SSBP2: variants seen among roughly 807,000 people sequenced by gnomAD.
The protein encoded by SSBP2 is single stranded DNA binding protein 2.
Under a neutral mutation model 61.8 loss-of-function variants are expected in SSBP2, and 17 were observed. That is an observed-to-expected ratio of 0.28 (90% CI 0.19 to 0.41). SSBP2 has a LOEUF of 0.41. Ranked by LOEUF, SSBP2 falls within the 10% of genes least tolerant of loss-of-function variation. The pLI is 1.00. For synonymous variants in SSBP2, 139 were observed against 141.3 expected (o/e 0.98, Z 0.12); for missense variants, 310 against 458.7 (o/e 0.68, Z 2.96).
chr5:81,750,825 C>G, intron 1 of SSBP2, 156 bp downstream of exon 1: 1 of 844,016 alleles, frequency 1.2e-6, no homozygotes, highest in Non-Finnish European at 1.9e-6. Context: ...CGCAGCTCCC[C>G]GCACCACACG....
At chr5:81,479,806 A>G (rs1266220155) in intron 6 of SSBP2, among the ~76,000 whole-genome samples, 2 of 152,194 alleles carry the variant, frequency 1.3e-5, no homozygotes. Flanking sequence ...TAAAAAACTG[A>G]GGTTTAATAT....
At chr5:81,500,002 C>T (rs1767576859) in intron 5 of SSBP2, among the ~76,000 whole-genome samples, 1 of 152,124 alleles carries the variant, frequency 6.6e-6, no homozygotes, top group Non-Finnish European at 1.5e-5. Context: ...AATTCCCATG[C>T]AGAGATAACA....
At chr5:81,685,357 T>A (rs1019543091) in intron 1 of SSBP2, among the ~76,000 whole-genome samples, 1 of 152,120 alleles carries the variant, frequency 6.6e-6, no homozygotes, top group Non-Finnish European at 1.5e-5. Context: ...GAACCCTAAT[T>A]TGAACTATAT....
chr5:81,729,370 A>G (rs1033336115), intron 1 of SSBP2, among the ~76,000 whole-genome samples: 2 of 152,230 alleles, frequency 1.3e-5, no homozygotes, highest in Non-Finnish European at 2.9e-5. Flanking sequence ...AACAATGTGA[A>G]ACAGTAAATC....
chr5:81,608,488 G>C, intron 4 of SSBP2, among the ~76,000 whole-genome samples: 1 of 152,106 alleles, frequency 6.6e-6, no homozygotes, highest in East Asian at 1.9e-4. Context: ...GACTATGGCA[G>C]ATGAAGCAAA....
At chr5:81,641,269 T>C (rs1254631067) in intron 2 of SSBP2, among the ~76,000 whole-genome samples, 1 of 152,192 alleles carries the variant, frequency 6.6e-6, no homozygotes, top group Non-Finnish European at 1.5e-5. Flanking sequence ...GGTTTGTATT[T>C]GATATGGTCT....
chr5:81,593,600 G>T (rs1308603638), intron 4 of SSBP2, among the ~76,000 whole-genome samples: 1 of 152,154 alleles, frequency 6.6e-6, no homozygotes, highest in Non-Finnish European at 1.5e-5. Context: ...AGAAAGGTTG[G>T]GTTACCCACA....
At chr5:81,453,309 C>A (rs148732580) in intron 10 of SSBP2, among the ~76,000 whole-genome samples, 11 of 151,586 alleles carry the variant, frequency 7.3e-5, no homozygotes, top group South Asian at 2.1e-4. Flanking sequence ...CCTGTCCCCC[C>A]ACCCCACCAA....
intron 4 of SSBP2, among the ~76,000 whole-genome samples, chr5:81,576,756 C>T (rs1774245519): frequency 6.6e-6 from 1 of 152,022 alleles, no homozygotes; most frequent in African/African-American, 2.4e-5. Context: ...ATATCCTTAA[C>T]TCTAGATAAA....
At position 81,686,742 on chromosome 5, in the gene SSBP2, C is replaced by T. The variant is rs573924312; in HGVS notation, c.63-36403G>A. 2.0e-5 allele frequency among the ~76,000 whole-genome samples: 3 copies of T among 151,334 alleles called. No individual in the cohort carries two copies. The South Asian group carries it at 6.3e-4, about 32-fold the overall frequency. On this transcript the variant is annotated intron_variant, in intron 1 of 16. Transcript: ENST00000320672. ...TGGTGGCATGTGCCTATAGTCCTAG[C>T]TACTCAGGAGGCTGAGACAGGAGAA...
At chr5:81,563,141 A>G (rs1036321683) in intron 4 of SSBP2, among the ~76,000 whole-genome samples, 2 of 152,224 alleles carry the variant, frequency 1.3e-5, no homozygotes, top group Admixed American at 1.3e-4. Flanking sequence ...TATAAAGCAC[A>G]GCAATCAATA....
At chr5:81,676,399 T>C (rs1431576304) in intron 1 of SSBP2, among the ~76,000 whole-genome samples, 1 of 152,154 alleles carries the variant, frequency 6.6e-6, no homozygotes, top group Admixed American at 6.6e-5. Flanking sequence ...CCTTCATATC[T>C]ACAGGAGAGG....
At chr5:81,499,829 A>G (rs78653219) in intron 5 of SSBP2, among the ~76,000 whole-genome samples, 33,470 of 152,214 alleles carry the variant, frequency 0.22, 4,733 homozygotes, top group Middle Eastern at 0.33. Flanking sequence ...TCTCTACTTT[A>G]TATTCCTACT....
intron 1 of SSBP2, among the ~76,000 whole-genome samples, chr5:81,725,162 G>C (rs572356406): frequency 1.3e-5 from 2 of 152,238 alleles, no homozygotes; most frequent in East Asian, 3.9e-4. Context: ...GAAGAGATCT[G>C]AATGGAGTGA....
intron 10 of SSBP2, among the ~76,000 whole-genome samples, chr5:81,451,607 A>AGTAGAG (rs1358305644): frequency 6.6e-6 from 1 of 152,018 alleles, no homozygotes; most frequent in Non-Finnish European, 1.5e-5. Context: ...TTGTATTTTC[A>AGTAGAG]GTAGAGATGG....
intron 1 of SSBP2, among the ~76,000 whole-genome samples, chr5:81,664,636 A>G (rs147065368): frequency 1.3e-5 from 2 of 152,314 alleles, no homozygotes; most frequent in Non-Finnish European, 2.9e-5. Flanking sequence ...CAGCCTCTCA[A>G]TTAAATACCA....
chr5:81,471,729 C>T (rs1765256894), intron 8 of SSBP2, among the ~76,000 whole-genome samples: 1 of 151,822 alleles, frequency 6.6e-6, no homozygotes, highest in Admixed American at 6.6e-5. Flanking sequence ...ATAACTGAGC[C>T]TAAATAAAAG....
chr5:81,750,041 C>A (rs970289128), intron 1 of SSBP2, among the ~76,000 whole-genome samples: 1 of 150,922 alleles, frequency 6.6e-6, no homozygotes, highest in Non-Finnish European at 1.5e-5. Context: ...CCCCGCCGGG[C>A]CCGCCCCTCC....
At chr5:81,729,331 TGAAGATAG>T (rs1282104391) in intron 1 of SSBP2, among the ~76,000 whole-genome samples, 1 of 151,934 alleles carries the variant, frequency 6.6e-6, no homozygotes, top group Non-Finnish European at 1.5e-5. Flanking sequence ...AGAAATAACG[TGAAGATAG>T]GAATTTTCAA....
Sources: allele counts gnomAD v4.1 joint callset (sites outside exome capture counted in the v4.1 genomes callset), GRCh38; gene constraint gnomAD v4.1.1; transcripts MANE v1.5; gene names NCBI Gene and HGNC (gene_info 2026-07-23, HGNC 2026-07-21).